Variants in ATP2C2 observed in about 807,000 individuals in gnomAD.
The protein encoded by ATP2C2 is calcium-transporting ATPase type 2C member 2.
In ATP2C2, 171 loss-of-function variants were observed where a neutral mutation model predicts 110.8. The observed-to-expected ratio is 1.54, with a 90% CI of 1.36 to 1.75. The LOEUF (loss-of-function observed/expected upper bound fraction) is 1.75. Among genes scored for constraint, ATP2C2 ranks in the 40% most tolerant of loss-of-function variants. The pLI, the probability that ATP2C2 is intolerant of heterozygous loss-of-function variation, is 0.00. For synonymous variants in ATP2C2, 804 were observed against 508.4 expected (o/e 1.58, Z -7.82); for missense variants, 1,963 against 1,235.0 (o/e 1.59, Z -8.84).
chr16:84,368,915 C>T (rs1320366357), intron 1 of ATP2C2, among the ~76,000 whole-genome samples: 1 of 152,228 alleles, frequency 6.6e-6, no homozygotes, highest in Non-Finnish European at 1.5e-5. Context: ...GGAACCCTCA[C>T]GTGAACCCAT....
At chr16:84,459,887 A>G (rs1460653329) in intron 23 of ATP2C2, 1 of 344,972 alleles carries the variant, frequency 2.9e-6, no homozygotes, top group African/African-American at 2.1e-5. Context: ...CTTGCCACTC[A>G]GTAGGTGCTC....
chr16:84,439,644 T>C (rs1366803123), intron 13 of ATP2C2, 120 bp downstream of exon 13: 1 of 940,380 alleles, frequency 1.1e-6, no homozygotes, highest in Non-Finnish European at 1.7e-6. Flanking sequence ...GGGGTCATCT[T>C]ATAATCTCCT....
intron 10 of ATP2C2, 32 bp from the exon 11 acceptor site, chr16:84,425,703 T>C: frequency 6.2e-7 from 1 of 1,606,536 alleles, no homozygotes. Context: ...GTAGTGCATA[T>C]GGAGATAAGG....
chr16:84,385,502 T>G (rs1350673983), intron 1 of ATP2C2, among the ~76,000 whole-genome samples: 1 of 152,206 alleles, frequency 6.6e-6, no homozygotes, highest in Non-Finnish European at 1.5e-5. Context: ...AAGGAAGAGC[T>G]TTCTCTTCTC....
intron 7 of ATP2C2, among the ~76,000 whole-genome samples, chr16:84,416,819 G>T (rs1294153616): frequency 2.0e-5 from 3 of 152,204 alleles, no homozygotes; most frequent in Non-Finnish European, 4.4e-5. Context: ...GGGGTGCATG[G>T]ATCCGGTCAG....
chr16:84,386,206 G>A (rs2151404139), intron 1 of ATP2C2, among the ~76,000 whole-genome samples: 1 of 152,310 alleles, frequency 6.6e-6, no homozygotes, highest in Non-Finnish European at 1.5e-5. Flanking sequence ...CTGGTAGTAT[G>A]TGTTCATTGT....
intron 15 of ATP2C2, among the ~76,000 whole-genome samples, chr16:84,444,615 C>G (rs540999187): frequency 1.3e-5 from 2 of 152,244 alleles, no homozygotes; most frequent in African/African-American, 2.4e-5. Flanking sequence ...AACAACTCCT[C>G]GCCGCCCAGA....
rs58934576 is a variant in ATP2C2 at position 84,397,655 on chromosome 16, C to CAAAAAAAAAAAAAAAAAAAAAAAAAAA, written c.100-826_100-825insAAAAAAAAAAAAAAAAAAAAAAAAAAA. Among the ~76,000 whole-genome samples, 187 of 63,474 alleles carry CAAAAAAAAAAAAAAAAAAAAAAAAAAA rather than the reference C, an allele frequency of 2.9e-3. 26 individuals are homozygous for CAAAAAAAAAAAAAAAAAAAAAAAAAAA. The highest frequency in any genetic ancestry group is 9.8e-3 in the Middle Eastern group (1 of 102). 41.6% of individuals were successfully genotyped at this position (63,474 alleles called of 152,430 possible). ...CACCACTGCACTCCAGCCTGGGTGA[C>CAAAAAAAAAAAAAAAAAAAAAAAAAAA]AAAAAAAAAAAAAAAAAACTTGCTT... On this transcript the variant is annotated intron_variant, in intron 1 of 26. Transcript: ENST00000262429.
At position 84,449,172 on chromosome 16, in the gene ATP2C2, G is replaced by A. The variant is rs550726458; in HGVS notation, c.1660+483G>A. ...CACCCTGGCCAGTTACAGAGGAAGC[G>A]TTTAGAAGTGCTCCTGAGCACTGGT... On this transcript the variant is annotated intron_variant, in intron 17 of 26. Coordinates refer to ENST00000262429, the MANE Select transcript of ATP2C2 (RefSeq NM_014861.4). 5.3e-5 allele frequency among the ~76,000 whole-genome samples: 8 copies of A among 152,358 alleles called. No individual in the cohort carries two copies. The South Asian group carries it at 1.2e-3, about 24-fold the overall frequency.
chr16:84,400,236 A>G (rs1260151050), intron 2 of ATP2C2, among the ~76,000 whole-genome samples: 1 of 152,178 alleles, frequency 6.6e-6, no homozygotes, highest in Non-Finnish European at 1.5e-5. Context: ...ATGGGAGTGC[A>G]GATATCTCTT....
chr16:84,454,263 C>G (rs1237271998), intron 20 of ATP2C2, among the ~76,000 whole-genome samples: 1 of 152,112 alleles, frequency 6.6e-6, no homozygotes, highest in African/African-American at 2.4e-5. Context: ...ACAGCAGGAG[C>G]CCAATAAAGA....
At chr16:84,438,231 C>T (rs553301724) in intron 11 of ATP2C2, among the ~76,000 whole-genome samples, 10 of 152,320 alleles carry the variant, frequency 6.6e-5, no homozygotes, top group African/African-American at 1.4e-4. Context: ...AAAGTGAACA[C>T]CTGTGTAGCC....
intron 7 of ATP2C2, 63 bp from the exon 8 acceptor site, chr16:84,422,327 C>T (rs1250052108): frequency 2.0e-5 from 31 of 1,557,152 alleles, no homozygotes; most frequent in Non-Finnish European, 2.4e-5. Flanking sequence ...CCATTTTGTG[C>T]TTTTAACACC....
chr16:84,448,610 C>T lies in ATP2C2; in HGVS notation c.1581C>T (p.Gly527=). The change falls in exon 17 of 27, where the codon GGC becomes GGT. Residue 527 remains glycine, a synonymous_variant. Coordinates refer to ENST00000262429, the MANE Select transcript of ATP2C2 (RefSeq NM_014861.4). Reference sequence around the variant, plus strand: ...ACTGCACCATGTACAACAACGGGGGCATCCCCCTGCCGCTGACGCCCCAGC... The same window carrying T: ...ACTGCACCATGTACAACAACGGGGGTATCCCCCTGCCGCTGACGCCCCAGC... The part of the protein sequence containing the change: ...IRYCTMYNNG[G]IPLPLTPQQR... The T allele has an allele frequency of 1.2e-6, 2 of 1,614,060 alleles. No homozygotes were observed. Among genetic ancestry groups the T allele is most frequent in the Non-Finnish European group, 1.7e-6 (2 of 1,179,956 alleles).
intron 17 of ATP2C2, 78 bp from the exon 18 acceptor site, chr16:84,451,841 AAC>A: frequency 3.2e-6 from 2 of 616,034 alleles, no homozygotes; most frequent in Non-Finnish European, 4.7e-6. Context: ...TCTCTTAAAA[AAC>A]AACAACAACA....
At chr16:84,375,189 G>T (rs1910178397) in intron 1 of ATP2C2, among the ~76,000 whole-genome samples, 2 of 152,214 alleles carry the variant, frequency 1.3e-5, no homozygotes, top group African/African-American at 4.8e-5. Context: ...AACAGATGCT[G>T]TAGAAGCATA....
chr16:84,379,630 G>A (rs1458307794), intron 1 of ATP2C2, among the ~76,000 whole-genome samples: 5 of 152,202 alleles, frequency 3.3e-5, no homozygotes, highest in South Asian at 2.1e-4. Flanking sequence ...AGCAAGCCTC[G>A]CCGGGGGGTT....
At chr16:84,433,269 G>C (rs148909800) in intron 11 of ATP2C2, among the ~76,000 whole-genome samples, 1,523 of 152,220 alleles carry the variant, frequency 0.01, 27 homozygotes, top group African/African-American at 0.034. Flanking sequence ...TGTAGCCCCA[G>C]CTACTTGGGA....
chr16:84,455,816 T>C (rs1910744720), intron 21 of ATP2C2, among the ~76,000 whole-genome samples: 1 of 149,498 alleles, frequency 6.7e-6, no homozygotes, highest in Non-Finnish European at 1.5e-5. Flanking sequence ...ATACCTAATT[T>C]ATTGAGAGTT....
Sources: gnomAD v4.1 joint callset for allele counts (sites outside exome capture counted in the v4.1 genomes callset) on GRCh38, gnomAD v4.1.1 for gene constraint, MANE v1.5 for transcripts, NCBI Gene and HGNC (gene_info 2026-07-23, HGNC 2026-07-21) for gene names.